The following GALNT14 variants were observed in gnomAD, a reference collection of about 807,000 sequenced individuals.
The protein encoded by GALNT14 is UDP-GalNAc:polypeptide N-acetylgalactosaminyltransferase 14.
Under a neutral mutation model 77.5 loss-of-function variants are expected in GALNT14, and 60 were observed. The observed-to-expected ratio is 0.77, with a 90% CI of 0.63 to 0.96. The LOEUF (loss-of-function observed/expected upper bound fraction) is 0.96, where lower values mean the gene tolerates loss of function less well. GALNT14 is among the 40% of genes least tolerant of loss of function. GALNT14 has a pLI of 0.00. For missense variants in GALNT14, 710 were observed against 731.0 expected (o/e 0.97, Z 0.33); for synonymous variants, 280 against 281.7 (o/e 0.99, Z 0.06).
At chr2:31,086,536 A>G (rs1026930577) in intron 1 of GALNT14, among the ~76,000 whole-genome samples, 4 of 152,074 alleles carry the variant, frequency 2.6e-5, no homozygotes, top group Non-Finnish European at 5.9e-5. Flanking sequence ...GAATGATGTT[A>G]GCAGTTTTTC....
chr2:30,903,702 A>G, the GALNT14 span, among the ~76,000 whole-genome samples: 1 of 152,342 alleles, frequency 6.6e-6, no homozygotes, highest in Non-Finnish European at 1.5e-5. Flanking sequence ...TCTCACTAAG[A>G]TATGCCTGTA....
intron 6 of GALNT14, among the ~76,000 whole-genome samples, chr2:30,952,298 G>A (rs1428498565): frequency 1.3e-5 from 2 of 151,950 alleles, no homozygotes; most frequent in Admixed American, 1.3e-4. Flanking sequence ...CTGCTATAAA[G>A]ACACATGCAC....
intron 1 of GALNT14, among the ~76,000 whole-genome samples, chr2:31,077,618 C>T (rs997774836): frequency 2.8e-4 from 42 of 152,162 alleles, no homozygotes; most frequent in Non-Finnish European, 2.5e-4. Context: ...AAATGATAAA[C>T]AGTTTTATCA....
At chr2:30,977,437 G>A (rs1441665303) in intron 2 of GALNT14, among the ~76,000 whole-genome samples, 1 of 152,098 alleles carries the variant, frequency 6.6e-6, no homozygotes, top group Non-Finnish European at 1.5e-5. Context: ...GAAGATTCTG[G>A]AAAGATGGAA....
chr2:31,128,294 G>C (rs1191410527), intron 1 of GALNT14, among the ~76,000 whole-genome samples: 2 of 152,032 alleles, frequency 1.3e-5, no homozygotes, highest in African/African-American at 4.8e-5. Context: ...AGCAAGACAT[G>C]GCAGGGTGCC....
chr2:31,094,759 C>T (rs1215506484), intron 1 of GALNT14, among the ~76,000 whole-genome samples: 1 of 152,150 alleles, frequency 6.6e-6, no homozygotes, highest in Non-Finnish European at 1.5e-5. Context: ...CTGGCCCATA[C>T]AGACACTCAC....
chr2:31,015,883 C>A (rs1671319691), intron 1 of GALNT14, among the ~76,000 whole-genome samples: 1 of 152,188 alleles, frequency 6.6e-6, no homozygotes, highest in African/African-American at 2.4e-5. Flanking sequence ...TGGATCCTGG[C>A]TTGGTAACCA....
intron 1 of GALNT14, among the ~76,000 whole-genome samples, chr2:31,016,888 T>TTAGGATAGTG (rs1671400982): frequency 6.6e-6 from 1 of 152,124 alleles, no homozygotes; most frequent in Non-Finnish European, 1.5e-5. Flanking sequence ...CCTACAAAGC[T>TTAGGATAGTG]TAGGATAGTG....
intron 1 of GALNT14, among the ~76,000 whole-genome samples, chr2:31,051,865 G>T (rs1294279648): frequency 6.6e-6 from 1 of 152,158 alleles, no homozygotes; most frequent in Non-Finnish European, 1.5e-5. Flanking sequence ...ACTCAAAAGT[G>T]ACAGCAAATG....
intron 13 of GALNT14, among the ~76,000 whole-genome samples, chr2:30,914,969 G>T (rs1208086346): frequency 6.6e-6 from 1 of 152,162 alleles, no homozygotes; most frequent in Non-Finnish European, 1.5e-5. Flanking sequence ...ATCAGTACAA[G>T]GGAAAGACTA....
Position 30,939,804 on chromosome 2 carries a change from C to T in GALNT14, c.931+2397G>A, listed in dbSNP as rs569404233. Among the ~76,000 whole-genome samples, 10 of 152,168 alleles carry T rather than the reference C, an allele frequency of 6.6e-5. No homozygotes were observed. The East Asian group carries it at 1.9e-3, about 30-fold the overall frequency. ...GGAGCCAGGACTCCTTTCTTCACCC[C>T]TTAGTGCCATCTCCCCTTCGCAGCT... is the stretch of plus-strand genomic sequence containing the variant. On this transcript the variant is annotated intron_variant, in intron 9 of 14. Coordinates refer to ENST00000349752, the MANE Select transcript of GALNT14 (RefSeq NM_024572.4).
Position 30,945,825 on chromosome 2 carries a change from C to T in GALNT14, c.700G>A (p.Asp234Asn). ...VCPVIDIINL[D>N]TFTYIESASE... Reference sequence around the variant, plus strand: ...GCAGACTCGATGTAGGTGAAGGTGTCCAGGTTAATGATATCGATCACAGGG... The same window carrying T: ...GCAGACTCGATGTAGGTGAAGGTGTTCAGGTTAATGATATCGATCACAGGG... The change falls in exon 7 of 15, where the codon GAC becomes AAC. Residue 234 changes from aspartate to asparagine, a missense_variant. Coordinates refer to ENST00000349752, the MANE Select transcript of GALNT14 (RefSeq NM_024572.4). The T allele has an allele frequency of 1.2e-6, 2 of 1,614,146 alleles. No individual in the cohort carries two copies. Among genetic ancestry groups the T allele is most frequent in the African/African-American group, 1.3e-5 (1 of 75,036 alleles).
intron 2 of GALNT14, among the ~76,000 whole-genome samples, chr2:30,976,726 G>A (rs548261708): frequency 7.1e-4 from 108 of 152,238 alleles, no homozygotes; most frequent in African/African-American, 2.3e-3. Context: ...TTTTTGAAAT[G>A]TTTCCTAAAA....
chr2:30,913,203 C>T (rs144261407), intron 13 of GALNT14, among the ~76,000 whole-genome samples: 421 of 152,238 alleles, frequency 2.8e-3, no homozygotes, highest in Non-Finnish European at 4.8e-3. Context: ...GCGTTTTCTC[C>T]CCCAGGTTGT....
intron 1 of GALNT14, among the ~76,000 whole-genome samples, chr2:31,069,998 G>T (rs1675247581): frequency 1.3e-5 from 2 of 151,988 alleles, no homozygotes; most frequent in African/African-American, 4.8e-5. Context: ...ATCAACCGGG[G>T]GCAAAGTCAC....
At chr2:31,120,155 CAAAAAAAAAA>C (rs753835346) in intron 1 of GALNT14, among the ~76,000 whole-genome samples, 1 of 66,786 alleles carries the variant, frequency 1.5e-5, no homozygotes, top group Non-Finnish European at 3.1e-5. Context: ...GACTCCGTCT[CAAAAAAAAAA>C]AAAAAAAAAA....
intron 1 of GALNT14, among the ~76,000 whole-genome samples, chr2:31,095,297 T>C (rs1225503067): frequency 3.3e-5 from 5 of 152,200 alleles, no homozygotes; most frequent in African/African-American, 1.2e-4. Context: ...CTTGCTCCAG[T>C]TGTGCTACCA....
intron 1 of GALNT14, chr2:31,114,919 C>A: frequency 4.6e-6 from 3 of 659,186 alleles, no homozygotes; most frequent in Non-Finnish European, 8.3e-6. Context: ...TTCAGTCATA[C>A]ACCATCTGCA....
At chr2:31,083,505 G>T (rs567108076) in intron 1 of GALNT14, among the ~76,000 whole-genome samples, 1 of 152,304 alleles carries the variant, frequency 6.6e-6, no homozygotes, top group East Asian at 1.9e-4. Context: ...GGGTGAGGAA[G>T]CAGGATCTGG....
Sources: allele counts gnomAD v4.1 joint callset (sites outside exome capture counted in the v4.1 genomes callset), GRCh38; gene constraint gnomAD v4.1.1; transcripts MANE v1.5; gene names NCBI Gene and HGNC (gene_info 2026-07-23, HGNC 2026-07-21).